The following EXT1 variants were observed in gnomAD, a reference collection of about 807,000 sequenced individuals.
The protein encoded by EXT1 is exostosin glycosyltransferase 1.
A neutral mutation model predicts 82.5 loss-of-function variants in EXT1; 20 were observed. The observed-to-expected ratio is 0.24, with a 90% CI of 0.17 to 0.35. The LOEUF (loss-of-function observed/expected upper bound fraction) is 0.35. Among genes scored for constraint, EXT1 ranks in the 10% least tolerant of loss-of-function variants. The pLI is 1.00. For synonymous variants in EXT1, 348 were observed against 350.8 expected (o/e 0.99, Z 0.09); for missense variants, 757 against 936.5 (o/e 0.81, Z 2.50).
At chr8:118,097,652 C>T (rs1417377542) in intron 1 of EXT1, among the ~76,000 whole-genome samples, 1 of 152,112 alleles carries the variant, frequency 6.6e-6, no homozygotes, top group East Asian at 1.9e-4. Flanking sequence ...AATGTGTATG[C>T]CATGATCCTC....
intron 1 of EXT1, among the ~76,000 whole-genome samples, chr8:117,885,494 CAAAAAAAA>C (rs11300586): frequency 1.3e-4 from 13 of 103,390 alleles, no homozygotes; most frequent in African/African-American, 3.7e-4. Context: ...AAGTAACAGA[CAAAAAAAA>C]AAAAAAAAAA....
intron 1 of EXT1, among the ~76,000 whole-genome samples, chr8:118,060,728 T>A (rs1405291754): frequency 6.6e-6 from 1 of 152,238 alleles, no homozygotes; most frequent in East Asian, 1.9e-4. Flanking sequence ...AAGAGGCACA[T>A]ACCTTAAGCA....
At position 117,819,745 on chromosome 8, in the gene EXT1, G is replaced by C. The variant is rs747800473; in HGVS notation, c.1467C>G (p.Pro489=). The stretch of plus-strand genomic sequence containing the variant: ...ACACTGGCTGGGACTGAGAGACCAG[G>C]GGGGTCACCGCATGGATGACTGCAG... ...KFTAVIHAVT[P]LVSQSQPVLK... The change falls in exon 6 of 11, where the codon CCC becomes CCG. Residue 489 remains proline, a synonymous_variant. Transcript: ENST00000378204. 15 of 1,613,330 alleles carry C rather than the reference G, an allele frequency of 9.3e-6. No individual in the cohort carries two copies. Among genetic ancestry groups the C allele is most frequent in the Non-Finnish European group, 1.2e-5 (14 of 1,180,036 alleles).
At position 118,110,409 on chromosome 8, in the gene EXT1, T is replaced by G; in HGVS notation, c.638A>C (p.Gln213Pro). Residue 213 changes from glutamine to proline, a missense_variant, in exon 1 of 11, where the codon CAG becomes CCG. Gln to Pro is a moderately conservative substitution (Grantham distance 76). Coordinates refer to ENST00000378204, the MANE Select transcript of EXT1 (RefSeq NM_000127.3). ...GATGCTGGCTTTGGCCAGCATCGCC[T>G]GGCCGATGTCAAACCCCACGTCCTC... ...YTEDVGFDIG[Q>P]AMLAKASIST... The G allele has an allele frequency of 6.2e-7, 1 of 1,614,192 alleles. No individual in the cohort carries two copies.
chr8:117,883,965 C>G (rs956185104), intron 1 of EXT1, among the ~76,000 whole-genome samples: 1 of 152,218 alleles, frequency 6.6e-6, no homozygotes, highest in Non-Finnish European at 1.5e-5. Flanking sequence ...GCTTTTCACC[C>G]TCTCAACCAG....
chr8:118,028,329 T>C (rs558857677), intron 1 of EXT1, among the ~76,000 whole-genome samples: 74 of 152,324 alleles, frequency 4.9e-4, no homozygotes, highest in African/African-American at 1.7e-3. Context: ...TCCAGGTTAA[T>C]TGGAAAAACA....
At chr8:117,973,800 AGAAAG>A (rs1211158489) in intron 1 of EXT1, among the ~76,000 whole-genome samples, 1,804 of 43,304 alleles carry the variant, frequency 0.042, 17 homozygotes, top group Non-Finnish European at 0.056. Context: ...AAAAGAAAAG[AGAAAG>A]GAAAGGAAAG....
At chr8:117,803,320 G>A (rs1445567710) in intron 10 of EXT1, among the ~76,000 whole-genome samples, 1 of 151,802 alleles carries the variant, frequency 6.6e-6, no homozygotes, top group Non-Finnish European at 1.5e-5. Context: ...TCAGCCACCC[G>A]AGTAAGCTGG....
chr8:117,853,962 T>C (rs925115584), intron 1 of EXT1, among the ~76,000 whole-genome samples: 5 of 152,238 alleles, frequency 3.3e-5, no homozygotes, highest in African/African-American at 7.2e-5. Context: ...AGTGAGCTTC[T>C]GCTGGGATGG....
intron 1 of EXT1, among the ~76,000 whole-genome samples, chr8:117,931,796 AG>A (rs1207199675): frequency 6.6e-6 from 1 of 152,228 alleles, no homozygotes; most frequent in Non-Finnish European, 1.5e-5. Flanking sequence ...TAGCCTTAAA[AG>A]TCACTCAAGG....
intron 1 of EXT1, among the ~76,000 whole-genome samples, chr8:118,031,059 T>C (rs540563388): frequency 6.6e-6 from 1 of 152,080 alleles, no homozygotes; most frequent in East Asian, 1.9e-4. Context: ...TGTACCCTAG[T>C]TGAGAGCCTG....
At chr8:117,881,341 T>A (rs971360858) in intron 1 of EXT1, among the ~76,000 whole-genome samples, 2 of 152,218 alleles carry the variant, frequency 1.3e-5, no homozygotes, top group Non-Finnish European at 2.9e-5. Flanking sequence ...GGGATCTAGT[T>A]TATTACAGTA....
At chr8:117,951,096 C>T (rs17453364) in intron 1 of EXT1, among the ~76,000 whole-genome samples, 68 of 152,224 alleles carry the variant, frequency 4.5e-4, no homozygotes, top group Non-Finnish European at 8.5e-4. Context: ...TTATGGAAAC[C>T]TTTTCTGAGA....
intron 1 of EXT1, among the ~76,000 whole-genome samples, chr8:117,895,390 A>G (rs1813317758): frequency 1.3e-5 from 2 of 152,204 alleles, no homozygotes; most frequent in Non-Finnish European, 1.5e-5. Flanking sequence ...TTAGGCTAGG[A>G]CAGAAAGAAT....
intron 9 of EXT1, 66 bp downstream of exon 9, chr8:117,807,151 T>C: frequency 6.3e-7 from 1 of 1,599,954 alleles, no homozygotes; most frequent in Non-Finnish European, 8.6e-7. Context: ...CCTTAGTTCC[T>C]ATTTATGCAG....
At chr8:118,029,017 A>T (rs577039162) in intron 1 of EXT1, among the ~76,000 whole-genome samples, 2 of 152,354 alleles carry the variant, frequency 1.3e-5, no homozygotes, top group South Asian at 4.1e-4. Context: ...TAAAATCAAA[A>T]TATATGATTG....
intron 1 of EXT1, among the ~76,000 whole-genome samples, chr8:117,940,752 G>A (rs1814256310): frequency 2.0e-5 from 3 of 152,194 alleles, no homozygotes; most frequent in Admixed American, 2.0e-4. Flanking sequence ...ATTGAAATCT[G>A]TCTGGGTCTT....
intron 1 of EXT1, among the ~76,000 whole-genome samples, chr8:118,085,632 T>C (rs1158681459): frequency 6.6e-6 from 1 of 151,940 alleles, no homozygotes; most frequent in Non-Finnish European, 1.5e-5. Flanking sequence ...CTGCAAACTT[T>C]AAGGGAATGC....
chr8:118,005,116 A>G (rs981432230), intron 1 of EXT1, among the ~76,000 whole-genome samples: 2 of 152,206 alleles, frequency 1.3e-5, no homozygotes, highest in Admixed American at 6.5e-5. Flanking sequence ...CTTGAGGTCC[A>G]AAGCTCTCTA....
Sources: gnomAD v4.1 joint callset for allele counts (sites outside exome capture counted in the v4.1 genomes callset) on GRCh38, gnomAD v4.1.1 for gene constraint, MANE v1.5 for transcripts, NCBI Gene and HGNC (gene_info 2026-07-23, HGNC 2026-07-21) for gene names.